RGS4: variants seen among roughly 807,000 people sequenced by gnomAD.
RGS4 encodes the protein regulator of G protein signaling 4.
RGS4 carries 15 observed loss-of-function variants against 21.6 expected under a neutral mutation model. The ratio of observed to expected loss-of-function variants is 0.69; its 90% CI spans 0.46 to 1.07. RGS4 has a LOEUF of 1.07. RGS4 is among the 50% of genes least tolerant of loss of function. The probability of loss-of-function intolerance (pLI) is 0.00; values close to 1 mark genes in which losing one functional copy is unlikely to be tolerated. For missense variants in RGS4, 237 were observed against 239.0 expected, an observed-to-expected ratio of 0.99 and a Z score of 0.06; for synonymous variants, 94 against 85.5, an observed-to-expected ratio of 1.10 and a Z score of -0.55.
chr1:163,076,657 T>C lies in RGS4; in HGVS notation c.*2097T>C, dbSNP rs1243385261. On this transcript the variant is annotated 3_prime_UTR_variant, in exon 5 of 5. Coordinates refer to ENST00000367909, the MANE Select transcript of RGS4 (RefSeq NM_005613.6). The stretch of plus-strand genomic sequence containing the variant: ...TTCATCACTATTTCCAATGGTGAGC[T>C]TGCCTGCTCATGCTCCCTGGACAGA... The C allele has an allele frequency of 6.6e-6, 1 of 152,262 alleles. No homozygotes were observed. Among genetic ancestry groups the C allele is most frequent in the Non-Finnish European group, 1.5e-5 (1 of 68,020 alleles). 9.4% of individuals were successfully genotyped at this position (152,262 alleles called of 1,614,324 possible). A position where few individuals can be genotyped will look rare whatever the true frequency, so the allele number is the denominator to read the frequency against.
rs201602559 is a variant in RGS4, at chr1:163,072,230, C to A, written c.45-165C>A. ...GGTTTTGTAGCAAGTCATAGGGAACCAAGAGGAATCTTGTTTTCCTCAGAG... is the reference window on the plus strand; with the variant it reads ...GGTTTTGTAGCAAGTCATAGGGAACAAAGAGGAATCTTGTTTTCCTCAGAG... On this transcript the variant is annotated intron_variant, in intron 1 of 4. Transcript: ENST00000367909. 8 of 858,544 alleles carry A rather than the reference C, an allele frequency of 9.3e-6. No individual in the cohort carries two copies. In the Admixed American group the frequency reaches 1.0e-4, roughly 11 times the overall value. The allele number at this position is 858,544 out of a possible 1,614,324, so 53.2% of individuals were successfully genotyped here.
Position 163,074,866 on chromosome 1 carries a change from C to T in RGS4, c.*306C>T. The T allele has an allele frequency of 1.0e-5, 6 of 598,950 alleles. No individual in the cohort carries two copies. The highest frequency in any genetic ancestry group is 1.8e-5 in the Non-Finnish European group (6 of 337,450). The allele number at this position is 598,950 out of a possible 1,614,324, so 37.1% of individuals were successfully genotyped here. ...TTCAAAGATTGTTGGCAGTTTCCTC[C>T]TCCCAACAGTTTTACCTCGGGATGG... On this transcript the variant is annotated 3_prime_UTR_variant, in exon 5 of 5. Transcript: ENST00000367909.
upstream of RGS4, chr1:163,069,251 G>A (rs1429004195): frequency 1.3e-6 from 2 of 1,547,602 alleles, no homozygotes; most frequent in Admixed American, 2.0e-5. Context: ...ATCTCTTTCA[G>A]GGGCTGGAGA....
Position 163,074,558 on chromosome 1 carries a change from T to A in RGS4, c.616T>A (p.Ter206LysextTer19). 1 of 1,613,886 alleles carries A rather than the reference T, an allele frequency of 6.2e-7. No homozygotes were observed. Among genetic ancestry groups the A allele is most frequent in the Non-Finnish European group, 8.5e-7 (1 of 1,179,874 alleles). The part of the protein sequence containing the change: ...DCASLVPQCA[*>K] ...TGCTTCCCTGGTCCCTCAGTGTGCCTAATTCTCACCTGAAGGCAGAGGGAT... is the reference window on the plus strand; with the variant it reads ...TGCTTCCCTGGTCCCTCAGTGTGCCAAATTCTCACCTGAAGGCAGAGGGAT... Residue 206 changes from the stop codon to lysine (K), a stop_lost, in exon 5 of 5, where the codon TAA (stop) becomes AAA (lysine). Coordinates refer to ENST00000367909, the MANE Select transcript of RGS4 (RefSeq NM_005613.6).
Position 163,072,443 on chromosome 1 carries a change from T to C in RGS4, c.93T>C (p.Asp31=). The part of the protein sequence containing the change: ...HRLGFLLQKS[D]SCEHNSSHNK... ...TAGGTTTCCTGCTGCAAAAATCTGA[T>C]TCCTGTGAACACAATTCTTCCCACA... is the stretch of plus-strand genomic sequence containing the variant. The change falls in exon 2 of 5, where the codon GAT becomes GAC. Residue 31 remains aspartate, a synonymous_variant. Transcript: ENST00000367909. 6.2e-7 allele frequency: 1 copy of C among 1,613,338 alleles called. No individual in the cohort carries two copies. The highest frequency in any genetic ancestry group is 8.5e-7 in the Non-Finnish European group (1 of 1,179,556).
chr1:163,069,913 T>C (rs182156398), intron 1 of RGS4, among the ~76,000 whole-genome samples: 1 of 152,302 alleles, frequency 6.6e-6, no homozygotes, highest in East Asian at 1.9e-4. Flanking sequence ...CTGGGCTTTC[T>C]GATTGTATGC....
At chr1:163,072,983 T>A (rs1655370660) in intron 3 of RGS4, 117 bp downstream of exon 3, 1 of 773,328 alleles carries the variant, frequency 1.3e-6, no homozygotes, top group Admixed American at 2.8e-5. Context: ...CTCAGGAGAC[T>A]CTTTAGGTCT....
chr1:163,071,869 C>CCCCCCCCCA (rs1655324782), intron 1 of RGS4: 4 of 53,914 alleles, frequency 7.4e-5, no homozygotes, highest in Non-Finnish European at 5.1e-5. Flanking sequence ...CCCCCCCCCC[C>CCCCCCCCCA]CCCCAACATA....
In RGS4 at chr1:163,074,531, T is replaced by C. The variant is rs1029358011; in HGVS notation, c.589T>C (p.Cys197Arg). The C allele has an allele frequency of 1.2e-6, 2 of 1,613,802 alleles. No homozygotes were observed. The highest frequency in any genetic ancestry group is 2.7e-5 in the African/African-American group (2 of 74,904). Residue 197 changes from cysteine (C) to arginine (R), a missense_variant, in exon 5 of 5, where the codon TGT becomes CGT. By Grantham distance (180) the Cys-to-Arg change is radical. Coordinates refer to ENST00000367909, the MANE Select transcript of RGS4 (RefSeq NM_005613.6). Reference protein sequence around the residue: ...KQKGAKSSADCASLVPQCA With the variant: ...KQKGAKSSADRASLVPQCA ...GAAAGGAGCCAAGAGTTCAGCAGAC[T>C]GTGCTTCCCTGGTCCCTCAGTGTGC...
At position 163,074,320 on chromosome 1, in the gene RGS4, G is replaced by A. The variant is rs773449574; in HGVS notation, c.379-1G>A. 5.0e-6 allele frequency: 8 copies of A among 1,613,554 alleles called. No homozygotes were observed. Among genetic ancestry groups the A allele is most frequent in the Non-Finnish European group, 6.8e-6 (8 of 1,179,754 alleles). On this transcript the variant is annotated splice_acceptor_variant, in intron 4 of 4. Transcript: ENST00000367909. LOFTEE classifies it high-confidence loss of function. ...ATGAAGCCTTGGCCTTTGCCCCTCA[G>A]GTGAACCTGGATTCTTGCACCAGGG... is the stretch of plus-strand genomic sequence containing the variant.
chr1:163,069,395 G>T lies in RGS4; in HGVS notation c.-90G>T. 1 of 1,596,294 alleles carries T rather than the reference G, an allele frequency of 6.3e-7. No homozygotes were observed. ...AGAGGATTCTGACAATATCTTTACCGGAGAAGAGGCAAAGTACGCTCAAAG... is the reference window on the plus strand; with the variant it reads ...AGAGGATTCTGACAATATCTTTACCTGAGAAGAGGCAAAGTACGCTCAAAG... On this transcript the variant is annotated 5_prime_UTR_variant, in exon 1 of 5. Coordinates refer to ENST00000367909, the MANE Select transcript of RGS4 (RefSeq NM_005613.6).
upstream of RGS4, chr1:163,069,024 C>A: frequency 6.3e-7 from 1 of 1,584,946 alleles, no homozygotes; most frequent in Non-Finnish European, 8.6e-7. Flanking sequence ...GGTACTTTTC[C>A]TTCCAGGAAG....
upstream of RGS4, chr1:163,069,212 A>G (rs772278945): frequency 9.8e-6 from 15 of 1,528,900 alleles, no homozygotes; most frequent in South Asian, 1.2e-5. Flanking sequence ...TTCACTTAAC[A>G]TTGCTGATGC....
At position 163,073,520 on chromosome 1, in the gene RGS4, G is replaced by T; in HGVS notation, c.276G>T (p.Trp92Cys). ...ATAGTGAGGAGAATATTGACTTCTG[G>T]ATCAGCTGTGAAGAGTACAAGAAAA... ...SEYSEENIDFWISCEEYKKIK... is the reference protein window; with the variant it reads ...SEYSEENIDFCISCEEYKKIK... Residue 92 changes from tryptophan to cysteine, a missense_variant, in exon 4 of 5, where the codon TGG becomes TGT. Trp to Cys is a radical substitution (Grantham distance 215). Transcript: ENST00000367909. 1 of 1,608,966 alleles carries T rather than the reference G, an allele frequency of 6.2e-7. No individual in the cohort carries two copies.
At chr1:163,072,303 G>C in intron 1 of RGS4, 92 bp from the exon 2 acceptor site, 1 of 1,013,228 alleles carries the variant, frequency 9.9e-7, no homozygotes, top group Non-Finnish European at 1.5e-6. Context: ...CTGAGCCATA[G>C]ACTAGTAATG....
Position 163,076,322 on chromosome 1 carries a change from CT to C in RGS4, c.*1763del, listed in dbSNP as rs1004945412. The C allele has an allele frequency of 2.2e-4, 33 of 152,700 alleles. No individual in the cohort carries two copies. Among genetic ancestry groups the C allele is most frequent in the African/African-American group, 6.7e-4 (28 of 41,546 alleles). The allele number at this position is 152,700 out of a possible 1,614,324, so 9.5% of individuals were successfully genotyped here. A position where few individuals can be genotyped will look rare whatever the true frequency, so the allele number is the denominator to read the frequency against. On this transcript the variant is annotated 3_prime_UTR_variant, in exon 5 of 5. Coordinates refer to ENST00000367909, the MANE Select transcript of RGS4 (RefSeq NM_005613.6). Reference sequence around the variant, plus strand: ...CCAGAGTGTATGCATACAAATCTCACTGTATTAAAGATGCAGGTTTTCTAAT... The same window carrying C: ...CCAGAGTGTATGCATACAAATCTCACGTATTAAAGATGCAGGTTTTCTAAT...
At chr1:163,073,726 T>C in intron 4 of RGS4, 104 bp downstream of exon 4, 9 of 678,700 alleles carry the variant, frequency 1.3e-5, no homozygotes, top group Non-Finnish European at 2.2e-5. Flanking sequence ...GGGCAATTGC[T>C]ATATACATAT....
upstream of RGS4, chr1:163,068,894 C>A (rs12402634): frequency 0.056 from 77,396 of 1,382,830 alleles, 2,436 homozygotes; most frequent in African/African-American, 0.099. Context: ...GATGATCCTG[C>A]CAGCTCCCTT....
At position 163,075,277 on chromosome 1, in the gene RGS4, C is replaced by T. The variant is rs1655459177; in HGVS notation, c.*717C>T. On this transcript the variant is annotated 3_prime_UTR_variant, in exon 5 of 5. Transcript: ENST00000367909. ...TGCCATGTAGGCTAAGAAAGAAATG[C>T]TAACCTGTGGAAAGTTGGTTTTGTA... 1.3e-5 allele frequency: 2 copies of T among 152,670 alleles called. No homozygotes were observed. The highest frequency in any genetic ancestry group is 2.9e-5 in the Non-Finnish European group (2 of 68,440). The allele number at this position is 152,670 out of a possible 1,614,324, so 9.5% of individuals were successfully genotyped here. A position where few individuals can be genotyped will look rare whatever the true frequency, so the allele number is the denominator to read the frequency against.
Sources: gnomAD v4.1 joint callset for allele counts (sites outside exome capture counted in the v4.1 genomes callset) on GRCh38, gnomAD v4.1.1 for gene constraint, MANE v1.5 for transcripts, NCBI Gene and HGNC (gene_info 2026-07-23, HGNC 2026-07-21) for gene names.